Variants in TRIM24 observed in about 807,000 individuals in gnomAD.
TRIM24 encodes the protein tripartite motif containing 24, also known as transcription intermediary factor 1-alpha.
TRIM24 carries 29 observed loss-of-function variants against 123.9 expected under a neutral mutation model. The ratio of observed to expected loss-of-function variants is 0.23; its 90% CI spans 0.17 to 0.32. The LOEUF (loss-of-function observed/expected upper bound fraction) is 0.32, where lower values mean the gene tolerates loss of function less well. Among genes scored for constraint, TRIM24 ranks in the 10% least tolerant of loss-of-function variants. TRIM24 has a pLI of 1.00. For synonymous variants in TRIM24, 456 were observed against 461.1 expected (o/e 0.99, Z 0.14); for missense variants, 932 against 1,295.3 (o/e 0.72, Z 4.31).
At chr7:138,532,044 C>A in intron 6 of TRIM24, among the ~76,000 whole-genome samples, 1 of 152,042 alleles carries the variant, frequency 6.6e-6, no homozygotes, top group East Asian at 1.9e-4. Flanking sequence ...TATCCTTTGC[C>A]CACTTTTTGA....
intron 9 of TRIM24, among the ~76,000 whole-genome samples, chr7:138,567,238 C>A (rs902461775): frequency 6.6e-6 from 1 of 152,162 alleles, no homozygotes; most frequent in African/African-American, 2.4e-5. Context: ...AATCTACTTA[C>A]AAAATCTAGG....
At chr7:138,511,885 T>TG (rs1404617856) in intron 2 of TRIM24, among the ~76,000 whole-genome samples, 3 of 152,134 alleles carry the variant, frequency 2.0e-5, no homozygotes, top group Non-Finnish European at 2.9e-5. Context: ...TCCTAAGTCT[T>TG]ATATTTGAGA....
chr7:138,568,379 CTTTTTTTTTTTTTTTTTT>C (rs60386130), intron 10 of TRIM24, among the ~76,000 whole-genome samples: 2 of 68,682 alleles, frequency 2.9e-5, no homozygotes, highest in Admixed American at 5.0e-4. Context: ...ACCTGGCCTC[CTTTTTTTTTTTTTTTTTT>C]TTTTTTTTTT....
chr7:138,471,968 G>A (rs1334558196), intron 1 of TRIM24, among the ~76,000 whole-genome samples: 1 of 152,092 alleles, frequency 6.6e-6, no homozygotes, highest in African/African-American at 2.4e-5. Flanking sequence ...AGGCAGCAGT[G>A]TTTTACAGGG....
chr7:138,490,332 A>G (rs528349610), intron 1 of TRIM24, among the ~76,000 whole-genome samples: 17 of 152,204 alleles, frequency 1.1e-4, no homozygotes, highest in African/African-American at 4.1e-4. Context: ...GTTATTACCA[A>G]CCTTCTGATG....
At position 138,512,163 on chromosome 7, in the gene TRIM24, G is replaced by T. The variant is rs140384130; in HGVS notation, c.484-3049G>T. 8.1e-3 allele frequency among the ~76,000 whole-genome samples: 1,237 copies of T among 152,234 alleles called. 18 individuals carry two copies. The highest frequency in any genetic ancestry group is 0.045 in the South Asian group (216 of 4,824). Reference sequence around the variant, plus strand: ...ACTAGGGGTGGGCTCCCAAAGCCTTGGGCAGCTGTACCTACCCCTGTGGCT... The same window carrying T: ...ACTAGGGGTGGGCTCCCAAAGCCTTTGGCAGCTGTACCTACCCCTGTGGCT... On this transcript the variant is annotated intron_variant, in intron 2 of 18. Transcript: ENST00000343526.
chr7:138,465,405 GTGT>G (rs1464664185), intron 1 of TRIM24, among the ~76,000 whole-genome samples: 1 of 152,158 alleles, frequency 6.6e-6, no homozygotes, highest in Non-Finnish European at 1.5e-5. Flanking sequence ...GTAGTATTTT[GTGT>G]TGTTAACGTA....
At chr7:138,529,375 G>T in intron 6 of TRIM24, 145 bp downstream of exon 6, 1 of 417,548 alleles carries the variant, frequency 2.4e-6, no homozygotes, top group South Asian at 7.3e-5. Context: ...TCCTTTGCTG[G>T]GTTTTGTATT....
At chr7:138,558,639 C>G (rs750579960) in intron 9 of TRIM24, among the ~76,000 whole-genome samples, 1 of 152,310 alleles carries the variant, frequency 6.6e-6, no homozygotes, top group Non-Finnish European at 1.5e-5. Context: ...CTCAAAAACT[C>G]GGAACTGTTG....
At chr7:138,464,171 A>G (rs1406987414) in intron 1 of TRIM24, among the ~76,000 whole-genome samples, 1 of 149,920 alleles carries the variant, frequency 6.7e-6, no homozygotes, top group Admixed American at 6.7e-5. Flanking sequence ...ATTTTTTTAT[A>G]TTTTTTAGTA....
At position 138,576,914 on chromosome 7, in the gene TRIM24, TCTTA is replaced by T. The variant is rs71177995; in HGVS notation, c.2087+473_2087+476del. Among the ~76,000 whole-genome samples, 997 of 152,312 alleles carry T rather than the reference TCTTA, an allele frequency of 6.5e-3. 7 individuals are homozygous for T. The highest frequency in any genetic ancestry group is 8.6e-3 in the Non-Finnish European group (583 of 68,004). On this transcript the variant is annotated intron_variant, in intron 13 of 18. Transcript: ENST00000343526. Reference sequence around the variant, plus strand: ...ATTCCTCCTAGCTAGTGAACCCAGTTCTTACTTTATCATATGGAAGAATTGTCTG... The same window carrying T: ...ATTCCTCCTAGCTAGTGAACCCAGTTCTTTATCATATGGAAGAATTGTCTG...
At chr7:138,552,474 G>A (rs1392714084) in intron 8 of TRIM24, among the ~76,000 whole-genome samples, 2 of 151,884 alleles carry the variant, frequency 1.3e-5, no homozygotes, top group Non-Finnish European at 2.9e-5. Context: ...ATTTCTCACA[G>A]GGAAACTATA....
At chr7:138,562,798 C>T (rs906922995) in intron 9 of TRIM24, among the ~76,000 whole-genome samples, 60 of 152,142 alleles carry the variant, frequency 3.9e-4, no homozygotes, top group Non-Finnish European at 1.5e-4. Context: ...GTATAGCCTC[C>T]ATTCCTCAGT....
chr7:138,534,968 A>G (rs1038032517), intron 6 of TRIM24, among the ~76,000 whole-genome samples: 1 of 152,172 alleles, frequency 6.6e-6, no homozygotes, highest in African/African-American at 2.4e-5. Flanking sequence ...ACCATTATGT[A>G]ATGGCCTTCT....
intron 4 of TRIM24, among the ~76,000 whole-genome samples, chr7:138,524,126 G>A (rs1254200702): frequency 1.3e-5 from 2 of 152,032 alleles, no homozygotes; most frequent in Non-Finnish European, 2.9e-5. Flanking sequence ...AAAGGAAAAA[G>A]TATATGCCTA....
intron 16 of TRIM24, 71 bp from the exon 17 acceptor site, chr7:138,581,626 G>A: frequency 7.5e-7 from 1 of 1,328,968 alleles, no homozygotes; most frequent in Non-Finnish European, 1.0e-6. Flanking sequence ...CTCTGAGATT[G>A]TTATTTAAAA....
intron 14 of TRIM24, among the ~76,000 whole-genome samples, chr7:138,578,101 T>TGCTTCAACAGTA (rs1797802078): frequency 6.6e-6 from 1 of 152,032 alleles, no homozygotes; most frequent in Non-Finnish European, 1.5e-5. Flanking sequence ...GGGAGAAAAA[T>TGCTTCAACAGTA]GCTTCAACAG....
rs563016637 is a variant in TRIM24 at position 138,552,074 on chromosome 7, C to G, written c.1261+894C>G. 4.2e-4 allele frequency among the ~76,000 whole-genome samples: 64 copies of G among 152,012 alleles called. 1 individual carries two copies. Among genetic ancestry groups the G allele is most frequent in the Non-Finnish European group, 7.9e-4 (54 of 67,980 alleles). On this transcript the variant is annotated intron_variant, in intron 8 of 18. Transcript: ENST00000343526. ...TTTCGTATGTTTAGATACACAGATACTTACCATCGTTTACAGTTGCCTACA... is the reference window on the plus strand; with the variant it reads ...TTTCGTATGTTTAGATACACAGATAGTTACCATCGTTTACAGTTGCCTACA...
At chr7:138,462,293 C>G (rs1407425849) in intron 1 of TRIM24, among the ~76,000 whole-genome samples, 1 of 148,076 alleles carries the variant, frequency 6.8e-6, no homozygotes, top group African/African-American at 2.5e-5. Context: ...GCTCTCTTTA[C>G]GTTGTCCAAT....
Sources: gnomAD v4.1 joint callset for allele counts (sites outside exome capture counted in the v4.1 genomes callset) on GRCh38, gnomAD v4.1.1 for gene constraint, MANE v1.5 for transcripts, NCBI Gene and HGNC (gene_info 2026-07-23, HGNC 2026-07-21) for gene names.